The following SCAF8 variants were observed in gnomAD, a reference collection of about 807,000 sequenced individuals.
SCAF8 encodes the protein SR-related CTD associated factor 8.
A neutral mutation model predicts 140.5 loss-of-function variants in SCAF8; 23 were observed. The observed-to-expected ratio is 0.16, with a 90% confidence interval of 0.12 to 0.23. The LOEUF is 0.23. Among genes scored for constraint, SCAF8 ranks in the 10% least tolerant of loss-of-function variants. SCAF8 has a pLI of 1.00. For synonymous variants in SCAF8, 575 were observed against 528.9 expected, an observed-to-expected ratio of 1.09 and a Z score of -1.20; for missense variants, 1,397 against 1,555.7, an observed-to-expected ratio of 0.90 and a Z score of 1.72.
chr6:154,831,143 AAAT>A lies in SCAF8; in HGVS notation c.2359+15_2359+17del. On this transcript the variant is annotated splice_donor_5th_base_variant and intron_variant, in intron 19 of 19. Coordinates refer to ENST00000367178, the MANE Select transcript of SCAF8 (RefSeq NM_014892.5). ...TTCTGGTGAAAACACCAGATCAGGT[AAAT>A]AATAATAATAAAATTTAAAAAAAGA... 17 of 1,497,348 alleles carry A rather than the reference AAAT, an allele frequency of 1.1e-5. No individual in the cohort carries two copies. Among genetic ancestry groups the A allele is most frequent in the African/African-American group, 2.8e-5 (2 of 70,866 alleles). The allele number at this position is 1,497,348 out of a possible 1,614,324, so 92.8% of individuals were successfully genotyped here.
At chr6:154,752,186 A>G (rs894309232) in intron 1 of SCAF8, among the ~76,000 whole-genome samples, 1 of 152,194 alleles carries the variant, frequency 6.6e-6, no homozygotes, top group African/African-American at 2.4e-5. Context: ...AAAGGCTTCA[A>G]AATTAATATG....
At chr6:154,758,145 C>T (rs766095377) in intron 1 of SCAF8, among the ~76,000 whole-genome samples, 3 of 152,220 alleles carry the variant, frequency 2.0e-5, no homozygotes, top group Non-Finnish European at 4.4e-5. Flanking sequence ...ATCCTGGTCT[C>T]AAGCAGTCTG....
At chr6:154,757,766 T>C (rs984377996) in intron 1 of SCAF8, among the ~76,000 whole-genome samples, 1 of 152,230 alleles carries the variant, frequency 6.6e-6, no homozygotes, top group African/African-American at 2.4e-5. Context: ...GGCATATACA[T>C]GTACATATGC....
rs773628728 is a variant in SCAF8, at chr6:154,808,796, A to G, written c.1224A>G (p.Ser408=). ...CAAGAACACATTCACGATCTCGTTC[A>G]AGGTTCTACAATGATATTTAATAAT... ...SRSRTHSRSR[S]RSPRKRRSRS... Residue 408 remains serine, a splice_region_variant and synonymous_variant, in exon 11 of 20, where the codon TCA becomes TCG. Coordinates refer to ENST00000367178, the MANE Select transcript of SCAF8 (RefSeq NM_014892.5). 2 of 1,596,306 alleles carry G rather than the reference A, an allele frequency of 1.3e-6. No homozygotes were observed. The highest frequency in any genetic ancestry group is 2.2e-5 in the East Asian group (1 of 44,746).
chr6:154,767,287 T>C (rs1256266173), intron 1 of SCAF8, among the ~76,000 whole-genome samples: 1 of 152,148 alleles, frequency 6.6e-6, no homozygotes, highest in Non-Finnish European at 1.5e-5. Flanking sequence ...CTGACTGCAT[T>C]TGCACAAAAC....
intron 1 of SCAF8, among the ~76,000 whole-genome samples, chr6:154,766,656 AGC>A (rs1491313898): frequency 1.6e-3 from 198 of 125,466 alleles, no homozygotes; most frequent in African/African-American, 6.0e-3. Flanking sequence ...TCCCTCCAGC[AGC>A]ACCCCCCCCC....
chr6:154,813,477 T>C (rs1333042755), intron 12 of SCAF8, among the ~76,000 whole-genome samples: 1 of 152,050 alleles, frequency 6.6e-6, no homozygotes, highest in Non-Finnish European at 1.5e-5. Context: ...GAGCTATAAT[T>C]AGGACATTGC....
chr6:154,794,076 C>T (rs559378509), intron 5 of SCAF8, among the ~76,000 whole-genome samples: 50 of 151,944 alleles, frequency 3.3e-4, no homozygotes, highest in African/African-American at 1.2e-3. Flanking sequence ...CATGCACTAC[C>T]ATGCCTGGCT....
At chr6:154,794,865 A>AT (rs547508645) in intron 5 of SCAF8, 144 bp from the exon 6 acceptor site, 88 of 572,146 alleles carry the variant, frequency 1.5e-4, no homozygotes, top group African/African-American at 1.0e-3. Context: ...ATTTTAAGTG[A>AT]TTTTTTCAAA....
intron 8 of SCAF8, 58 bp downstream of exon 8, chr6:154,803,681 T>A (rs1318894839): frequency 2.0e-6 from 2 of 1,014,160 alleles, no homozygotes; most frequent in African/African-American, 3.2e-5. Context: ...TGTTGCCATC[T>A]GAATTACTAA....
At chr6:154,771,650 C>A (rs984822102) in intron 1 of SCAF8, among the ~76,000 whole-genome samples, 57 of 152,184 alleles carry the variant, frequency 3.7e-4, no homozygotes, top group Non-Finnish European at 4.0e-4. Context: ...GAACAGAAAA[C>A]CAAATGCATG....
At chr6:154,736,838 C>G (rs1341374648) in intron 1 of SCAF8, among the ~76,000 whole-genome samples, 1 of 152,124 alleles carries the variant, frequency 6.6e-6, no homozygotes, top group Non-Finnish European at 1.5e-5. Context: ...GAACTTAAGT[C>G]TTGTAACTTC....
intron 3 of SCAF8, among the ~76,000 whole-genome samples, chr6:154,779,854 A>G (rs981566438): frequency 2.6e-5 from 4 of 151,534 alleles, no homozygotes; most frequent in East Asian, 1.9e-4. Context: ...TCATTAAATC[A>G]GTAGGAATAA....
chr6:154,833,259 C>T lies in SCAF8; in HGVS notation c.3680C>T (p.Pro1227Leu). 1 of 1,613,992 alleles carries T rather than the reference C, an allele frequency of 6.2e-7. No homozygotes were observed. The highest frequency in any genetic ancestry group is 8.5e-7 in the Non-Finnish European group (1 of 1,179,992). The change falls in exon 20 of 20, where the codon CCT becomes CTT. Residue 1227 changes from proline to leucine, a missense_variant. This residue lies in a region of SCAF8 where 930 missense variants were observed against 874.6 expected (regional missense o/e 1.06). Transcript: ENST00000367178. Reference sequence around the variant, plus strand: ...ACAGAGAGACATGCTCAGCCACCACCTATACCAGTACAGAATGATCCTGAA... The same window carrying T: ...ACAGAGAGACATGCTCAGCCACCACTTATACCAGTACAGAATGATCCTGAA... ...ENTERHAQPP[P>L]IPVQNDPELY...
intron 10 of SCAF8, 76 bp downstream of exon 10, chr6:154,808,277 G>A: frequency 2.2e-6 from 3 of 1,361,778 alleles, no homozygotes; most frequent in Non-Finnish European, 2.1e-6. Context: ...TATACTAGCA[G>A]TGCCCTGAAT....
intron 1 of SCAF8, among the ~76,000 whole-genome samples, chr6:154,737,397 T>C (rs747343696): frequency 1.2e-4 from 19 of 152,170 alleles, no homozygotes; most frequent in Non-Finnish European, 2.8e-4. Flanking sequence ...TAAAATAGGC[T>C]GGGCTCGATG....
At chr6:154,808,003 G>A (rs1040156255) in intron 9 of SCAF8, 67 bp from the exon 10 acceptor site, 5 of 1,411,136 alleles carry the variant, frequency 3.5e-6, no homozygotes, top group African/African-American at 2.9e-5. Context: ...TGTTTGCTGT[G>A]TTTACATTTT....
intron 1 of SCAF8, among the ~76,000 whole-genome samples, chr6:154,773,613 C>T (rs921009312): frequency 1.3e-5 from 2 of 152,154 alleles, no homozygotes; most frequent in Non-Finnish European, 2.9e-5. Context: ...TCTCAGTTCT[C>T]TTGGGTACAT....
At chr6:154,743,708 T>G (rs1042288027) in intron 1 of SCAF8, among the ~76,000 whole-genome samples, 1 of 152,202 alleles carries the variant, frequency 6.6e-6, no homozygotes, top group Non-Finnish European at 1.5e-5. Flanking sequence ...TTAATGGCTT[T>G]CTTTGATCTA....
Sources: gnomAD v4.1 joint callset for allele counts (sites outside exome capture counted in the v4.1 genomes callset) on GRCh38, gnomAD v4.1.1 for gene constraint, gnomAD v4.1.1 regional missense constraint, MANE v1.5 for transcripts, NCBI Gene and HGNC (gene_info 2026-07-23, HGNC 2026-07-21) for gene names.